The following ITGAX variants were observed in gnomAD, a reference collection of about 807,000 sequenced individuals.
ITGAX encodes the protein integrin subunit alpha X.
A neutral mutation model predicts 140.2 loss-of-function variants in ITGAX; 99 were observed. That is an observed-to-expected ratio of 0.71 (90% confidence interval 0.60 to 0.83). The LOEUF is 0.83. Among genes scored for constraint, ITGAX ranks in the 40% least tolerant of loss-of-function variants. The pLI is 0.00. For missense variants in ITGAX, 1,444 were observed against 1,482.0 expected (o/e 0.97, Z 0.42); for synonymous variants, 631 against 600.4 (o/e 1.05, Z -0.75).
intron 19 of ITGAX, among the ~76,000 whole-genome samples, 153 bp downstream of exon 19, chr16:31,372,823 C>T (rs1317291711): frequency 6.6e-6 from 1 of 152,036 alleles, no homozygotes; most frequent in Non-Finnish European, 1.5e-5. Context: ...GTAATCCCAG[C>T]ACTTTGGGAG....
intron 3 of ITGAX, 150 bp from the exon 4 acceptor site, chr16:31,356,881 C>T: frequency 3.7e-6 from 3 of 813,454 alleles, no homozygotes; most frequent in Non-Finnish European, 5.8e-6. Context: ...GGCCTCCCCG[C>T]CCATCGCACT....
chr16:31,359,837 CT>C lies in ITGAX; in HGVS notation c.561+10del. On this transcript the variant is annotated splice_region_variant and intron_variant, in intron 6 of 29. Coordinates refer to ENST00000268296, the MANE Select transcript of ITGAX (RefSeq NM_000887.5). Reference sequence around the variant, plus strand: ...CCAGAGACCCAGCACCCAGGTGTGCCTTTGGGGGAGGGAGGCTGCTGGGGGT... The same window carrying C: ...CCAGAGACCCAGCACCCAGGTGTGCCTTGGGGGAGGGAGGCTGCTGGGGGT... The C allele has an allele frequency of 6.2e-7, 1 of 1,614,088 alleles. No individual in the cohort carries two copies. Among genetic ancestry groups the C allele is most frequent in the Non-Finnish European group, 8.5e-7 (1 of 1,179,996 alleles).
chr16:31,368,038 G>A (rs945928382), intron 14 of ITGAX, among the ~76,000 whole-genome samples: 3 of 152,118 alleles, frequency 2.0e-5, no homozygotes, highest in African/African-American at 4.8e-5. Flanking sequence ...AAGTGATTGC[G>A]GATGTGTGGA....
Position 31,362,781 on chromosome 16 carries a change from G to A in ITGAX, c.1359+28G>A, listed in dbSNP as rs759186792. ...TGGGCGTGACAGGAGCCAGAGGGGA[G>A]GATGAGGGTAGGGGAGGTGGCTGGG... On this transcript the variant is annotated intron_variant, in intron 12 of 29. Coordinates refer to ENST00000268296, the MANE Select transcript of ITGAX (RefSeq NM_000887.5). The A allele has an allele frequency of 2.5e-6, 4 of 1,613,190 alleles. No homozygotes were observed. In the East Asian group the frequency reaches 6.7e-5, roughly 27 times the overall value.
chr16:31,372,360 G>C lies in ITGAX; in HGVS notation c.2161-18G>C. The stretch of plus-strand genomic sequence containing the variant: ...ACCCTCCCCTTACCCTCCGCTCCCC[G>C]CGACGCCCGTCCCCCAGAGCTGCGT... On this transcript the variant is annotated intron_variant, in intron 17 of 29. Transcript: ENST00000268296. The C allele has an allele frequency of 6.3e-7, 1 of 1,589,408 alleles. No individual in the cohort carries two copies. The highest frequency in any genetic ancestry group is 8.5e-7 in the Non-Finnish European group (1 of 1,173,956).
At position 31,362,248 on chromosome 16, in the gene ITGAX, C is replaced by T. The variant is rs1396990730; in HGVS notation, c.1216+44C>T. On this transcript the variant is annotated intron_variant, in intron 11 of 29. Coordinates refer to ENST00000268296, the MANE Select transcript of ITGAX (RefSeq NM_000887.5). ...TTGGGGACAGGTGGGAGATGCACTG[C>T]CCAGGGTGGGGTCCAGGGTTCTGGG... 1.9e-6 allele frequency: 3 copies of T among 1,611,398 alleles called. No homozygotes were observed. The African/African-American group carries it at 4.0e-5, about 22-fold the overall frequency.
chr16:31,355,410 C>G, intron 1 of ITGAX, 119 bp downstream of exon 1: 1 of 1,067,700 alleles, frequency 9.4e-7, no homozygotes, highest in Non-Finnish European at 1.4e-6. Context: ...CTCAGTCAAG[C>G]CTGAGGGGGA....
chr16:31,365,558 T>C (rs910707895), intron 14 of ITGAX, among the ~76,000 whole-genome samples: 1 of 152,212 alleles, frequency 6.6e-6, no homozygotes, highest in African/African-American at 2.4e-5. Flanking sequence ...TTAAATGAGT[T>C]AGTATGCATG....
chr16:31,357,842 T>C (rs2080780370), intron 5 of ITGAX: 2 of 348,832 alleles, frequency 5.7e-6, no homozygotes, highest in Non-Finnish European at 1.0e-5. Context: ...TGTGTATATG[T>C]ATGCATGTGT....
At chr16:31,366,531 A>C (rs543347277) in intron 14 of ITGAX, among the ~76,000 whole-genome samples, 1 of 152,276 alleles carries the variant, frequency 6.6e-6, no homozygotes, top group South Asian at 2.1e-4. Flanking sequence ...TTATTTATTT[A>C]TTGAGGCAGG....
chr16:31,371,788 C>G lies in ITGAX; in HGVS notation c.2160+4C>G. Reference sequence around the variant, plus strand: ...AAACTTCAACCTGCTGCTCCCGGTGCGTCTGGGCATGAACGTGGGTGGCGG... The same window carrying G: ...AAACTTCAACCTGCTGCTCCCGGTGGGTCTGGGCATGAACGTGGGTGGCGG... On this transcript the variant is annotated splice_donor_region_variant and intron_variant, in intron 17 of 29. Coordinates refer to ENST00000268296, the MANE Select transcript of ITGAX (RefSeq NM_000887.5). 6.2e-7 allele frequency: 1 copy of G among 1,613,536 alleles called. No individual in the cohort carries two copies. Among genetic ancestry groups the G allele is most frequent in the South Asian group, 1.1e-5 (1 of 91,056 alleles).
intron 14 of ITGAX, among the ~76,000 whole-genome samples, chr16:31,369,653 CCAAT>C (rs544224541): frequency 1.3e-5 from 2 of 152,302 alleles, no homozygotes; most frequent in African/African-American, 4.8e-5. Context: ...GCATTTTTTA[CCAAT>C]CAAATATTTT....
Position 31,371,622 on chromosome 16 carries a change from G to A in ITGAX, c.2006-8G>A, listed in dbSNP as rs200557273. The A allele has an allele frequency of 3.4e-5, 55 of 1,613,920 alleles. 1 individual carries two copies. The highest frequency in any genetic ancestry group is 1.1e-4 in the South Asian group (10 of 91,076). The stretch of plus-strand genomic sequence containing the variant: ...CTGTCTCAACGCCGTCCCTGCGACC[G>A]CCTACAGGTGACCTCCAAAGCTCTG... On this transcript the variant is annotated splice_polypyrimidine_tract_variant and splice_region_variant and intron_variant, in intron 16 of 29. Coordinates refer to ENST00000268296, the MANE Select transcript of ITGAX (RefSeq NM_000887.5).
chr16:31,361,165 C>T lies in ITGAX; in HGVS notation c.964C>T (p.Leu322=). The change falls in exon 9 of 30, where the codon CTG becomes TTG. Residue 322 remains leucine, a synonymous_variant. Coordinates refer to ENST00000268296, the MANE Select transcript of ITGAX (RefSeq NM_000887.5). ...ATTTAAAGTGGAGGACTTTGATGCT[C>T]TGAAAGATATTCAAAACCAACTGAA... ...HIFKVEDFDA[L]KDIQNQLKEK... is the part of the protein sequence containing the mutation. 1 of 1,613,768 alleles carries T rather than the reference C, an allele frequency of 6.2e-7. No homozygotes were observed. Among genetic ancestry groups the T allele is most frequent in the Non-Finnish European group, 8.5e-7 (1 of 1,179,824 alleles).
At chr16:31,370,686 C>T (rs924192352) in intron 14 of ITGAX, among the ~76,000 whole-genome samples, 2 of 152,168 alleles carry the variant, frequency 1.3e-5, no homozygotes, top group Non-Finnish European at 2.9e-5. Context: ...GGGTGCTGTT[C>T]TAAGAACCGT....
intron 14 of ITGAX, among the ~76,000 whole-genome samples, chr16:31,364,058 C>T (rs2080866550): frequency 6.6e-6 from 1 of 152,172 alleles, no homozygotes; most frequent in Admixed American, 6.5e-5. Context: ...GCCCTCCACC[C>T]CAAGGGAGCA....
In ITGAX at chr16:31,371,126, G is replaced by A. The variant is rs1334531212; in HGVS notation, c.1753G>A (p.Gly585Arg). 6.2e-7 allele frequency: 1 copy of A among 1,613,970 alleles called. No homozygotes were observed. Among genetic ancestry groups the A allele is most frequent in the Non-Finnish European group, 8.5e-7 (1 of 1,180,042 alleles). The change falls in exon 15 of 30, where the codon GGG becomes AGG. Residue 585 changes from glycine (G) to arginine (R), a missense_variant. Gly to Arg is a moderately radical substitution (Grantham distance 125). Transcript: ENST00000268296. ...GCTCTCCTCCAGGCTGCAGTATTTT[G>A]GGCAGGCACTGAGCGGGGGTCAAGA... ...SQLSSRLQYF[G>R]QALSGGQDLT...
At chr16:31,370,129 T>C (rs1197415550) in intron 14 of ITGAX, 1 of 152,192 alleles carries the variant, frequency 6.6e-6, no homozygotes, top group Admixed American at 6.5e-5. Flanking sequence ...CTAATTTTTG[T>C]TTATTTAGTA....
At chr16:31,357,513 G>GC in intron 5 of ITGAX, 149 bp downstream of exon 5, 2 of 605,744 alleles carry the variant, frequency 3.3e-6, no homozygotes, top group Non-Finnish European at 5.8e-6. Context: ...TGACGCTGCT[G>GC]CCCGCACATC....
Sources: gnomAD v4.1 joint callset for allele counts (sites outside exome capture counted in the v4.1 genomes callset) on GRCh38, gnomAD v4.1.1 for gene constraint, MANE v1.5 for transcripts, NCBI Gene and HGNC (gene_info 2026-07-23, HGNC 2026-07-21) for gene names.